The following LUC7L2 variants were observed in gnomAD, a reference collection of about 807,000 sequenced individuals.
LUC7L2 encodes the protein putative RNA-binding protein Luc7-like 2.
In LUC7L2, 25 loss-of-function variants were observed where a neutral mutation model predicts 52.8. The ratio of observed to expected loss-of-function variants is 0.47; its 90% confidence interval spans 0.34 to 0.66. LUC7L2 has a LOEUF of 0.66. Ranked by LOEUF, LUC7L2 falls within the 30% of genes least tolerant of loss-of-function variation. The probability of loss-of-function intolerance (pLI) is 0.01; values close to 1 mark genes in which losing one functional copy is unlikely to be tolerated. For missense variants in LUC7L2, 328 were observed against 497.8 expected (o/e 0.66, Z 3.25); for synonymous variants, 144 against 160.9 (o/e 0.89, Z 0.80).
chr7:139,355,002 C>T (rs1212263136), upstream of LUC7L2, among the ~76,000 whole-genome samples: 1 of 151,900 alleles, frequency 6.6e-6, no homozygotes, highest in African/African-American at 2.4e-5. Flanking sequence ...GGATTACTGG[C>T]GCACAACATG....
chr7:139,349,620 C>A (rs941065996), intron 1 of LUC7L2, among the ~76,000 whole-genome samples: 17 of 150,696 alleles, frequency 1.1e-4, no homozygotes, highest in East Asian at 7.9e-4. Flanking sequence ...CTGCTCCCCC[C>A]CCCCCCACCG....
At position 139,422,424 on chromosome 7, in the gene LUC7L2, T is replaced by TG. The variant is rs1458166537; in HGVS notation, c.*85dup. 1.9e-5 allele frequency: 28 copies of TG among 1,508,254 alleles called. No homozygotes were observed. The Admixed American group carries it at 6.3e-4, about 34-fold the overall frequency. The allele number at this position is 1,508,254 out of a possible 1,614,324, so 93.4% of individuals were successfully genotyped here. On this transcript the variant is annotated 3_prime_UTR_variant, in exon 10 of 10. Coordinates refer to ENST00000354926, the MANE Select transcript of LUC7L2 (RefSeq NM_016019.5). ...AGTTCACAGCTGTTCAGGGTGACAG[T>TG]GAGCAGATCCAGACACCAGATCCAG...
upstream of LUC7L2, among the ~76,000 whole-genome samples, chr7:139,355,901 A>T (rs866784618): frequency 1.3e-5 from 2 of 152,248 alleles, no homozygotes; most frequent in African/African-American, 2.4e-5. Context: ...TCATTGTTCA[A>T]TGAGTCCATA....
chr7:139,404,942 C>CAATTTGATTTGATAACTTTA (rs1795055535), intron 4 of LUC7L2, among the ~76,000 whole-genome samples: 1 of 152,190 alleles, frequency 6.6e-6, no homozygotes, highest in African/African-American at 2.4e-5. Flanking sequence ...GAACTTGATC[C>CAATTTGATTTGATAACTTTA]ACCAATTCAT....
intron 8 of LUC7L2, among the ~76,000 whole-genome samples, chr7:139,413,166 A>T (rs1004365685): frequency 6.6e-6 from 1 of 152,190 alleles, no homozygotes; most frequent in East Asian, 1.9e-4. Context: ...TTTGACTTTC[A>T]GCGTTAATAT....
chr7:139,406,547 T>G (rs1293171957), intron 5 of LUC7L2, among the ~76,000 whole-genome samples: 3 of 151,796 alleles, frequency 2.0e-5, no homozygotes, highest in Admixed American at 1.3e-4. Context: ...AGAGATAGGC[T>G]TTCACCATGT....
intron 1 of LUC7L2, chr7:139,375,474 C>T (rs1310243611): frequency 3.9e-5 from 38 of 985,288 alleles, no homozygotes; most frequent in Non-Finnish European, 4.2e-5. Flanking sequence ...CGCTCTTAAA[C>T]GCGTTATTCT....
intron 2 of LUC7L2, among the ~76,000 whole-genome samples, chr7:139,386,921 C>T (rs1794226603): frequency 6.6e-6 from 1 of 152,052 alleles, no homozygotes; most frequent in Admixed American, 6.5e-5. Context: ...CTCACTGCAG[C>T]CTCCTCCTTC....
chr7:139,376,194 T>C lies in LUC7L2; in HGVS notation c.156+38T>C, dbSNP rs552023468. Reference sequence around the variant, plus strand: ...TAAATGTATTGTTAGATTACTGATATGCTGCAGTAATGAACTACTTGATAA... The same window carrying C: ...TAAATGTATTGTTAGATTACTGATACGCTGCAGTAATGAACTACTTGATAA... On this transcript the variant is annotated intron_variant, in intron 2 of 9. Transcript: ENST00000354926. 1.7e-4 allele frequency: 264 copies of C among 1,580,066 alleles called. 3 individuals are homozygous for C. The South Asian group carries it at 2.5e-3, about 15-fold the overall frequency.
chr7:139,412,201 C>CA (rs1338829655), intron 7 of LUC7L2, among the ~76,000 whole-genome samples: 7 of 121,090 alleles, frequency 5.8e-5, no homozygotes, highest in South Asian at 2.6e-4. Context: ...CCCTAGGCAA[C>CA]AAAAAATGTA....
chr7:139,346,482 G>T (rs1402628263), intron 1 of LUC7L2, among the ~76,000 whole-genome samples: 1 of 152,122 alleles, frequency 6.6e-6, no homozygotes, highest in Non-Finnish European at 1.5e-5. Context: ...CAGGAAATAG[G>T]TGGCACACTC....
At chr7:139,379,066 G>A (rs567258578) in intron 2 of LUC7L2, among the ~76,000 whole-genome samples, 14 of 152,160 alleles carry the variant, frequency 9.2e-5, no homozygotes, top group Non-Finnish European at 1.0e-4. Flanking sequence ...CATGTTGGTC[G>A]GGCTGGTCTT....
At chr7:139,354,673 A>G (rs978225343) in intron 1 of LUC7L2, among the ~76,000 whole-genome samples, 46 of 152,114 alleles carry the variant, frequency 3.0e-4, no homozygotes, top group African/African-American at 1.1e-3. Flanking sequence ...GCATTTGTCA[A>G]TTTGGTAGAA....
At chr7:139,356,314 CAAAAAAAAAAAAAAA>C (rs10524961), upstream of LUC7L2, among the ~76,000 whole-genome samples, 167 of 82,966 alleles carry the variant, frequency 2.0e-3, 1 homozygote, top group Middle Eastern at 5.9e-3. Flanking sequence ...GACCCTATCT[CAAAAAAAAAAAAAAA>C]AAAAAAAAAA....
chr7:139,365,462 A>T (rs1382707585), intron 1 of LUC7L2, among the ~76,000 whole-genome samples: 1 of 152,206 alleles, frequency 6.6e-6, no homozygotes, highest in Non-Finnish European at 1.5e-5. Flanking sequence ...CAACGTGTTC[A>T]AGATGGGTAG....
chr7:139,401,785 G>A (rs1456989334), intron 3 of LUC7L2, among the ~76,000 whole-genome samples: 2 of 145,060 alleles, frequency 1.4e-5, no homozygotes, highest in Admixed American at 7.0e-5. Flanking sequence ...ACAGGGTCTC[G>A]CTGTGTCACC....
intron 1 of LUC7L2, 37 bp from the exon 2 acceptor site, chr7:139,376,025 T>C: frequency 1.1e-5 from 17 of 1,608,856 alleles, no homozygotes; most frequent in Non-Finnish European, 1.4e-5. Flanking sequence ...TTTCCAGTTG[T>C]CTAACCTTGA....
At chr7:139,358,739 C>A (rs1799704171), upstream of LUC7L2, among the ~76,000 whole-genome samples, 1 of 152,186 alleles carries the variant, frequency 6.6e-6, no homozygotes, top group South Asian at 2.1e-4. Flanking sequence ...GGTTGCAGCG[C>A]AGTGGCGTCA....
At chr7:139,407,003 T>TTTTTG (rs1795151905) in intron 5 of LUC7L2, among the ~76,000 whole-genome samples, 171 bp from the exon 6 acceptor site, 1 of 48,076 alleles carries the variant, frequency 2.1e-5, no homozygotes, top group African/African-American at 4.0e-5. Context: ...CTTTTGTGGT[T>TTTTTG]TTTTTTTTTT....
Sources: allele counts gnomAD v4.1 joint callset (sites outside exome capture counted in the v4.1 genomes callset), GRCh38; gene constraint gnomAD v4.1.1; transcripts MANE v1.5; gene names NCBI Gene and HGNC (gene_info 2026-07-23, HGNC 2026-07-21).